Variants in CACUL1 observed in about 807,000 individuals in gnomAD.
CACUL1 encodes the protein CDK2-associated and cullin domain-containing protein 1.
Under a neutral mutation model 45.2 loss-of-function variants are expected in CACUL1, and 13 were observed. The ratio of observed to expected loss-of-function variants is 0.29; its 90% CI spans 0.19 to 0.46. The LOEUF (loss-of-function observed/expected upper bound fraction) is 0.46. Ranked by LOEUF, CACUL1 falls within the 20% of genes least tolerant of loss-of-function variation. CACUL1 has a pLI of 1.00. For synonymous variants in CACUL1, 197 were observed against 174.2 expected, an observed-to-expected ratio of 1.13 and a Z score of -1.03; for missense variants, 421 against 471.4, an observed-to-expected ratio of 0.89 and a Z score of 0.99.
intron 1 of CACUL1, among the ~76,000 whole-genome samples, chr10:118,742,195 C>T (rs1269747356): frequency 6.6e-6 from 1 of 152,166 alleles, no homozygotes; most frequent in African/African-American, 2.4e-5. Flanking sequence ...ATCAGCATAC[C>T]TGCAACTACA....
chr10:118,705,151 T>C (rs904177063), intron 4 of CACUL1, among the ~76,000 whole-genome samples: 3 of 152,254 alleles, frequency 2.0e-5, no homozygotes, highest in Non-Finnish European at 4.4e-5. Flanking sequence ...CAGAAGAGAT[T>C]AAGTTAGCTG....
Position 118,743,686 on chromosome 10 carries a change from G to A in CACUL1, c.367+10710C>T, listed in dbSNP as rs544634175. 2.2e-4 allele frequency among the ~76,000 whole-genome samples: 34 copies of A among 151,960 alleles called. 2 individuals are homozygous for A. In the South Asian group the frequency reaches 5.6e-3, roughly 25 times the overall value. On this transcript the variant is annotated intron_variant, in intron 1 of 8. Coordinates refer to ENST00000369151, the MANE Select transcript of CACUL1 (RefSeq NM_153810.5). ...GGAGGTTGCAGTGAGCTGAGATCGCGCCACTGCACTCCAGCCTGGGCAACA... is the reference window on the plus strand; with the variant it reads ...GGAGGTTGCAGTGAGCTGAGATCGCACCACTGCACTCCAGCCTGGGCAACA...
chr10:118,725,615 G>A (rs536386201), intron 3 of CACUL1, among the ~76,000 whole-genome samples: 1 of 152,104 alleles, frequency 6.6e-6, no homozygotes, highest in African/African-American at 2.4e-5. Context: ...ATAATAGTAA[G>A]GAGAACACTA....
chr10:118,730,860 G>C (rs566787892), intron 1 of CACUL1, among the ~76,000 whole-genome samples: 1 of 152,270 alleles, frequency 6.6e-6, no homozygotes, highest in East Asian at 1.9e-4. Flanking sequence ...ATGTGCCTAA[G>C]GACAGGACTA....
intron 1 of CACUL1, among the ~76,000 whole-genome samples, chr10:118,745,306 C>T (rs1388165630): frequency 6.6e-6 from 1 of 152,054 alleles, no homozygotes; most frequent in African/African-American, 2.4e-5. Flanking sequence ...GACTGTAATC[C>T]TAGCACTTTG....
chr10:118,688,071 TTCTC>T (rs896795899), intron 7 of CACUL1, among the ~76,000 whole-genome samples: 8 of 152,264 alleles, frequency 5.3e-5, no homozygotes, highest in African/African-American at 1.9e-4. Flanking sequence ...CCCATTTACT[TTCTC>T]TGGTTATGTT....
Position 118,754,880 on chromosome 10 carries a change from G to A in CACUL1, c.-118C>T. The A allele has an allele frequency of 1.5e-6, 2 of 1,379,202 alleles. No homozygotes were observed. The highest frequency in any genetic ancestry group is 1.9e-6 in the Non-Finnish European group (2 of 1,027,024). The allele number at this position is 1,379,202 out of a possible 1,614,324, so 85.4% of individuals were successfully genotyped here. On this transcript the variant is annotated 5_prime_UTR_variant, in exon 1 of 9. Transcript: ENST00000369151. ...CGCCGGCGGCAGGAATGGGCGCAGC[G>A]GAGAGGGCTGCGGTGCGCAGGGTCT...
chr10:118,701,146 T>A (rs1218566440), intron 5 of CACUL1, among the ~76,000 whole-genome samples, 160 bp downstream of exon 5: 5 of 152,122 alleles, frequency 3.3e-5, no homozygotes, highest in Non-Finnish European at 5.9e-5. Context: ...GTCCCATTTT[T>A]AATTCTGCAG....
rs534368605 is a variant in CACUL1 at position 118,715,031 on chromosome 10, CTT to C, written c.598-7446_598-7445del. On this transcript the variant is annotated intron_variant, in intron 3 of 8. Coordinates refer to ENST00000369151, the MANE Select transcript of CACUL1 (RefSeq NM_153810.5). ...TCATATTGATAGCTTCGTGCTAATCCTTTGTTACCAGATTGTTGCACTGAGTA... is the reference window on the plus strand; with the variant it reads ...TCATATTGATAGCTTCGTGCTAATCCTGTTACCAGATTGTTGCACTGAGTA... Among the ~76,000 whole-genome samples, 88 of 152,222 alleles carry C rather than the reference CTT, an allele frequency of 5.8e-4. 1 individual carries two copies. The highest frequency in any genetic ancestry group is 2.0e-3 in the African/African-American group (84 of 41,534).
At chr10:118,738,502 T>G (rs1487419444) in intron 1 of CACUL1, among the ~76,000 whole-genome samples, 2 of 110,748 alleles carry the variant, frequency 1.8e-5, no homozygotes, top group South Asian at 3.3e-4. Flanking sequence ...CATTCTGCCA[T>G]TCTCTCAGAA....
At chr10:118,721,530 G>A (rs190472430) in intron 3 of CACUL1, among the ~76,000 whole-genome samples, 1 of 151,968 alleles carries the variant, frequency 6.6e-6, no homozygotes, top group East Asian at 1.9e-4. Context: ...TAAAACTACT[G>A]TAAATTCAGC....
chr10:118,700,716 C>CAAAA (rs59032746), intron 5 of CACUL1, among the ~76,000 whole-genome samples: 11,724 of 131,082 alleles, frequency 0.089, 654 homozygotes, highest in Admixed American at 0.18. Flanking sequence ...GACTCCGTCT[C>CAAAA]AAAAAAAAAA....
chr10:118,752,799 G>A (rs1399078255), intron 1 of CACUL1, among the ~76,000 whole-genome samples: 1 of 152,152 alleles, frequency 6.6e-6, no homozygotes, highest in Non-Finnish European at 1.5e-5. Context: ...TATTTCTTCT[G>A]ATACCAATTT....
chr10:118,707,956 T>TG (rs1199323926), intron 3 of CACUL1, among the ~76,000 whole-genome samples: 2 of 152,108 alleles, frequency 1.3e-5, no homozygotes, highest in Non-Finnish European at 2.9e-5. Context: ...AAGACCAGCC[T>TG]GGTCAACATG....
At chr10:118,698,571 C>T (rs1845346227) in intron 5 of CACUL1, among the ~76,000 whole-genome samples, 1 of 152,134 alleles carries the variant, frequency 6.6e-6, no homozygotes, top group Non-Finnish European at 1.5e-5. Context: ...AAGATACCAG[C>T]AATTTCCATT....
rs564649825 is a variant in CACUL1 at position 118,687,700 on chromosome 10, C to CA, written c.1026-1060dup. Among the ~76,000 whole-genome samples the CA allele has an allele frequency of 1.8e-3, 275 of 152,324 alleles. 2 individuals are homozygous for CA. Among genetic ancestry groups the CA allele is most frequent in the Non-Finnish European group, 3.3e-3 (224 of 68,030 alleles). The stretch of plus-strand genomic sequence containing the variant: ...CAACCCATTCTCCAGCCTACTCTCC[C>CA]ACCTCACTTTCCTCCACTCTCTGCC... On this transcript the variant is annotated intron_variant, in intron 7 of 8. Coordinates refer to ENST00000369151, the MANE Select transcript of CACUL1 (RefSeq NM_153810.5).
intron 7 of CACUL1, among the ~76,000 whole-genome samples, chr10:118,688,768 A>C (rs1236613294): frequency 6.6e-6 from 1 of 152,316 alleles, no homozygotes; most frequent in African/African-American, 2.4e-5. Context: ...AGATAAAAAG[A>C]AGCTGTTGCT....
chr10:118,732,805 C>A (rs149625754), intron 1 of CACUL1, among the ~76,000 whole-genome samples: 210 of 152,272 alleles, frequency 1.4e-3, no homozygotes, highest in Middle Eastern at 3.4e-3. Context: ...AAAAGTGTTA[C>A]ACACTAGGCT....
intron 3 of CACUL1, among the ~76,000 whole-genome samples, chr10:118,722,776 G>A (rs975261010): frequency 2.0e-5 from 3 of 152,154 alleles, no homozygotes; most frequent in African/African-American, 7.2e-5. Flanking sequence ...GGACCAAACG[G>A]AGGACTAGCT....
Sources: gnomAD v4.1 joint callset for allele counts (sites outside exome capture counted in the v4.1 genomes callset) on GRCh38, gnomAD v4.1.1 for gene constraint, MANE v1.5 for transcripts, NCBI Gene and HGNC (gene_info 2026-07-23, HGNC 2026-07-21) for gene names.